CSGALNACT1: variants seen among roughly 807,000 people sequenced by gnomAD.
CSGALNACT1 encodes the protein beta4GalNAcT-1.
CSGALNACT1 carries 52 observed loss-of-function variants against 51.0 expected under a neutral mutation model. That is an observed-to-expected ratio of 1.02 (90% CI 0.82 to 1.29). The LOEUF is 1.29. CSGALNACT1 is among the 50% of genes most tolerant of loss of function. CSGALNACT1 has a pLI of 0.00. For synonymous variants in CSGALNACT1, 341 were observed against 254.4 expected, an observed-to-expected ratio of 1.34 and a Z score of -3.24; for missense variants, 935 against 679.2, an observed-to-expected ratio of 1.38 and a Z score of -4.19.
intron 1 of CSGALNACT1, among the ~76,000 whole-genome samples, chr8:19,711,431 A>C (rs2062497123): frequency 6.6e-6 from 1 of 152,208 alleles, no homozygotes; most frequent in South Asian, 2.1e-4. Context: ...GAAATATAGG[A>C]GACCAAACCC....
chr8:19,704,571 G>C (rs2062053732), intron 1 of CSGALNACT1, among the ~76,000 whole-genome samples: 2 of 152,060 alleles, frequency 1.3e-5, no homozygotes, highest in Admixed American at 1.3e-4. Context: ...TCTCACTTCT[G>C]GGTATATACA....
intron 2 of CSGALNACT1, among the ~76,000 whole-genome samples, chr8:19,599,531 A>C (rs1224627893): frequency 6.6e-6 from 1 of 151,710 alleles, no homozygotes; most frequent in Non-Finnish European, 1.5e-5. Flanking sequence ...AAAGAAAAGA[A>C]AGAAAAAGAA....
In CSGALNACT1 at chr8:19,715,354, C is replaced by A. The variant is rs1035672238; in HGVS notation, c.-297+42496G>T. On this transcript the variant is annotated intron_variant, in intron 1 of 1. Transcript: ENST00000517494. Reference sequence around the variant, plus strand: ...CATATCAGTACTCAATATTTAGCTCCCACTTATAAGTGAGAACATATGGGA... The same window carrying A: ...CATATCAGTACTCAATATTTAGCTCACACTTATAAGTGAGAACATATGGGA... Among the ~76,000 whole-genome samples, 12 of 152,126 alleles carry A rather than the reference C, an allele frequency of 7.9e-5. 1 individual carries two copies.
At chr8:19,576,231 T>C (rs897048568) in intron 3 of CSGALNACT1, among the ~76,000 whole-genome samples, 2 of 152,184 alleles carry the variant, frequency 1.3e-5, no homozygotes, top group African/African-American at 4.8e-5. Context: ...AGTCTTGCTC[T>C]ATCGCCCAGG....
At chr8:19,447,913 C>T (rs1030756822) in intron 5 of CSGALNACT1, among the ~76,000 whole-genome samples, 1 of 152,186 alleles carries the variant, frequency 6.6e-6, no homozygotes, top group African/African-American at 2.4e-5. Context: ...GGAGCTCAAG[C>T]CAGGACTTTT....
intron 1 of CSGALNACT1, among the ~76,000 whole-genome samples, chr8:19,740,618 T>C (rs751938787): frequency 5.3e-5 from 8 of 152,228 alleles, no homozygotes; most frequent in Admixed American, 2.6e-4. Flanking sequence ...TTATATAATA[T>C]ATCTTGAAGG....
At chr8:19,404,242 TACCAGTACAA>T (rs1165864314) in exon 10 of CSGALNACT1, 1 of 420,896 alleles carries the variant, frequency 2.4e-6, no homozygotes, top group African/African-American at 2.1e-5. Flanking sequence ...TTTCATAAAC[TACCAGTACAA>T]ATCAATACAA....
intron 1 of CSGALNACT1, among the ~76,000 whole-genome samples, chr8:19,631,359 T>C (rs2055234456): frequency 6.6e-6 from 1 of 152,200 alleles, no homozygotes; most frequent in South Asian, 2.1e-4. Context: ...TCCTTGCTGG[T>C]GCTGTGTTTT....
At chr8:19,647,712 C>T (rs932526966) in intron 1 of CSGALNACT1, among the ~76,000 whole-genome samples, 1 of 152,100 alleles carries the variant, frequency 6.6e-6, no homozygotes, top group African/African-American at 2.4e-5. Flanking sequence ...TTCAATTACC[C>T]CAACATTACC....
At chr8:19,754,646 C>G (rs1194397460) in intron 1 of CSGALNACT1, among the ~76,000 whole-genome samples, 2 of 152,196 alleles carry the variant, frequency 1.3e-5, no homozygotes, top group Admixed American at 6.5e-5. Context: ...TCATTTAAGA[C>G]CACTTTAATT....
chr8:19,648,888 A>G (rs753451971), intron 1 of CSGALNACT1, among the ~76,000 whole-genome samples: 2 of 152,208 alleles, frequency 1.3e-5, no homozygotes, highest in Non-Finnish European at 2.9e-5. Flanking sequence ...AACGGAATAC[A>G]GTAGAGACTT....
intron 1 of CSGALNACT1, among the ~76,000 whole-genome samples, chr8:19,662,635 A>T (rs2058858341): frequency 6.6e-6 from 1 of 152,216 alleles, no homozygotes; most frequent in Non-Finnish European, 1.5e-5. Context: ...GAAACCTTTA[A>T]ATCCTGAAGT....
chr8:19,648,666 G>A (rs996132333), intron 1 of CSGALNACT1, among the ~76,000 whole-genome samples: 1 of 152,018 alleles, frequency 6.6e-6, no homozygotes, highest in Non-Finnish European at 1.5e-5. Context: ...AAATTAGCTG[G>A]GCATGGTGGT....
intron 3 of CSGALNACT1, among the ~76,000 whole-genome samples, chr8:19,563,360 A>G (rs2041211622): frequency 1.3e-5 from 2 of 152,212 alleles, no homozygotes; most frequent in African/African-American, 4.8e-5. Flanking sequence ...TGACAGGTGC[A>G]GCAAACCACT....
chr8:19,665,350 G>T (rs370479020), intron 1 of CSGALNACT1, among the ~76,000 whole-genome samples: 5 of 152,126 alleles, frequency 3.3e-5, no homozygotes, highest in East Asian at 3.9e-4. Context: ...TAAATGCCAC[G>T]GCTCTTTTGG....
chr8:19,697,273 T>A (rs1221259508), intron 1 of CSGALNACT1, among the ~76,000 whole-genome samples: 1 of 152,012 alleles, frequency 6.6e-6, no homozygotes, highest in Non-Finnish European at 1.5e-5. Flanking sequence ...ATAGAGGCAG[T>A]TTCATGGTCT....
intron 1 of CSGALNACT1, among the ~76,000 whole-genome samples, chr8:19,740,909 T>C (rs1200801780): frequency 6.6e-6 from 1 of 152,208 alleles, no homozygotes; most frequent in Non-Finnish European, 1.5e-5. Flanking sequence ...CCCACATATG[T>C]ATTCACAATT....
chr8:19,714,573 T>G (rs1283674000), intron 1 of CSGALNACT1, among the ~76,000 whole-genome samples: 1 of 152,128 alleles, frequency 6.6e-6, no homozygotes, highest in Non-Finnish European at 1.5e-5. Flanking sequence ...TTAAAAATTT[T>G]TTCTCTTTGT....
At chr8:19,498,753 A>T (rs753810188) in intron 4 of CSGALNACT1, among the ~76,000 whole-genome samples, 1 of 152,144 alleles carries the variant, frequency 6.6e-6, no homozygotes, top group Admixed American at 6.5e-5. Flanking sequence ...TAACATCACA[A>T]ATTTTCTCTC....
Sources: allele counts gnomAD v4.1 joint callset (sites outside exome capture counted in the v4.1 genomes callset), GRCh38; gene constraint gnomAD v4.1.1; transcripts MANE v1.5; gene names NCBI Gene and HGNC (gene_info 2026-07-23, HGNC 2026-07-21).